The following COL25A1 variants were observed in gnomAD, a reference collection of about 807,000 sequenced individuals.
COL25A1 encodes collagen alpha-1(XXV) chain.
Under a neutral mutation model 128.4 loss-of-function variants are expected in COL25A1, and 103 were observed. The observed-to-expected ratio is 0.80, with a 90% CI of 0.68 to 0.94. The LOEUF is 0.94. COL25A1 is among the 40% of genes least tolerant of loss of function. COL25A1 has a pLI of 0.00. For synonymous variants in COL25A1, 279 were observed against 277.2 expected (o/e 1.01, Z -0.06); for missense variants, 745 against 840.0 (o/e 0.89, Z 1.40).
chr4:108,883,192 A>C (rs1051914154), intron 19 of COL25A1, among the ~76,000 whole-genome samples: 1 of 151,704 alleles, frequency 6.6e-6, no homozygotes, highest in Non-Finnish European at 1.5e-5. Context: ...CACTCAGATA[A>C]TTTTTTTTGT....
At chr4:109,100,271 T>C (rs1020105797) in intron 3 of COL25A1, among the ~76,000 whole-genome samples, 1 of 152,162 alleles carries the variant, frequency 6.6e-6, no homozygotes, top group Non-Finnish European at 1.5e-5. Flanking sequence ...TTAAGTAAAT[T>C]ATCAAAGGAT....
chr4:108,858,656 C>T (rs1736803241), intron 24 of COL25A1, among the ~76,000 whole-genome samples: 1 of 152,120 alleles, frequency 6.6e-6, no homozygotes, highest in Middle Eastern at 3.4e-3. Flanking sequence ...GGGGCATACA[C>T]AGATTATATC....
intron 8 of COL25A1, among the ~76,000 whole-genome samples, chr4:108,961,796 A>G (rs932857752): frequency 7.9e-5 from 12 of 152,196 alleles, no homozygotes; most frequent in African/African-American, 2.9e-4. Flanking sequence ...TTTGGCAAGA[A>G]ATTTCAAGAT....
chr4:109,205,178 G>A (rs1560863925), intron 3 of COL25A1, among the ~76,000 whole-genome samples: 1 of 152,124 alleles, frequency 6.6e-6, no homozygotes, highest in African/African-American at 2.4e-5. Context: ...TATCCAGAAA[G>A]CATGCTGAAT....
At chr4:108,924,885 C>T (rs558137647) in intron 11 of COL25A1, among the ~76,000 whole-genome samples, 13 of 152,284 alleles carry the variant, frequency 8.5e-5, no homozygotes, top group African/African-American at 2.9e-4. Flanking sequence ...TCTCCTGCAT[C>T]CATTCCAAAT....
rs1725646468 is a variant in COL25A1 at position 109,302,399 on chromosome 4, C to G, written c.-287G>C. The G allele has an allele frequency of 9.5e-6, 2 of 210,136 alleles. No homozygotes were observed. Among genetic ancestry groups the G allele is most frequent in the Admixed American group, 1.1e-4 (2 of 17,702 alleles). 13.0% of individuals were successfully genotyped at this position (210,136 alleles called of 1,614,324 possible). A position where few individuals can be genotyped will look rare whatever the true frequency, so the allele number is the denominator to read the frequency against. ...CGAGGGCAACGGCCGAGGCGCCACGCGGGGCCGCGGCTCGCCCTGGCCACG... is the reference window on the plus strand; with the variant it reads ...CGAGGGCAACGGCCGAGGCGCCACGGGGGGCCGCGGCTCGCCCTGGCCACG... On this transcript the variant is annotated 5_prime_UTR_variant, in exon 1 of 38. Coordinates refer to ENST00000399132, the MANE Select transcript of COL25A1 (RefSeq NM_198721.4).
At chr4:109,266,696 T>C (rs1455480163) in intron 3 of COL25A1, among the ~76,000 whole-genome samples, 1 of 151,928 alleles carries the variant, frequency 6.6e-6, no homozygotes, top group Non-Finnish European at 1.5e-5. Context: ...AAGATAAAGA[T>C]TACTCTCAAC....
chr4:109,050,176 G>A lies in COL25A1; in HGVS notation c.371C>T (p.Pro124Leu). Reference sequence around the variant, plus strand: ...GCCTCTCTTACCTCGTTTCCCTGGAGGGCCTGAAATACAAAGGATAATTTT... The same window carrying A: ...GCCTCTCTTACCTCGTTTCCCTGGAAGGCCTGAAATACAAAGGATAATTTT... ...APSECNCPAGPPGKRGKRGRR... is the reference protein window; with the variant it reads ...APSECNCPAGLPGKRGKRGRR... The change falls in exon 4 of 38, where the codon CCT becomes CTT. Residue 124 changes from proline to leucine, a missense_variant. By Grantham distance (98) the Pro-to-Leu change is moderately conservative. Around this residue, in one of 3 missense-constraint regions of COL25A1, gnomAD observed 319 missense variants for 324.9 expected, o/e 0.98. Transcript: ENST00000399132. The A allele has an allele frequency of 6.2e-7, 1 of 1,606,858 alleles. No individual in the cohort carries two copies. Among genetic ancestry groups the A allele is most frequent in the Non-Finnish European group, 8.5e-7 (1 of 1,175,516 alleles).
chr4:108,821,265 C>A (rs543133533), intron 35 of COL25A1, among the ~76,000 whole-genome samples: 5 of 152,082 alleles, frequency 3.3e-5, no homozygotes, highest in African/African-American at 1.2e-4. Context: ...GAATATGGGG[C>A]AAAGAGACAT....
At chr4:109,218,273 G>A (rs528644186) in intron 3 of COL25A1, among the ~76,000 whole-genome samples, 22 of 150,620 alleles carry the variant, frequency 1.5e-4, no homozygotes, top group Non-Finnish European at 2.7e-4. Flanking sequence ...TTGTACATTA[G>A]GAGACATGAC....
intron 15 of COL25A1, among the ~76,000 whole-genome samples, chr4:108,897,202 C>G (rs1245824204): frequency 6.6e-6 from 1 of 152,138 alleles, no homozygotes; most frequent in Admixed American, 6.5e-5. Flanking sequence ...CAGGACAGGG[C>G]CCTCAAAACC....
At position 108,824,215 on chromosome 4, in the gene COL25A1, G is replaced by C. The variant is rs1341174218; in HGVS notation, c.1804C>G (p.Pro602Ala). ...CCTAGATCACCCTTCTCACCCCGTG[G>C]ACCAGGGAAGCCCTGTAAGATAAAA... is the stretch of plus-strand genomic sequence containing the variant. ...GEPGLDGFPG[P>A]RGEKGDLGEK... The change falls in exon 35 of 38, where the codon CCA becomes GCA. Residue 602 changes from proline (P) to alanine (A), a missense_variant. Pro to Ala is a conservative substitution (Grantham distance 27, BLOSUM62 -1). Coordinates refer to ENST00000399132, the MANE Select transcript of COL25A1 (RefSeq NM_198721.4). 1 of 1,612,862 alleles carries C rather than the reference G, an allele frequency of 6.2e-7. No individual in the cohort carries two copies. Among genetic ancestry groups the C allele is most frequent in the Non-Finnish European group, 8.5e-7 (1 of 1,179,404 alleles).
chr4:109,298,029 G>A (rs762161926), intron 3 of COL25A1, among the ~76,000 whole-genome samples: 1 of 151,688 alleles, frequency 6.6e-6, no homozygotes, highest in Non-Finnish European at 1.5e-5. Flanking sequence ...TTGGTAGACT[G>A]GGCTTTTAGT....
At chr4:109,263,585 T>C (rs774439840) in intron 3 of COL25A1, among the ~76,000 whole-genome samples, 12 of 152,188 alleles carry the variant, frequency 7.9e-5, no homozygotes, top group Admixed American at 3.3e-4. Context: ...CTACAATCAA[T>C]TGCCGTGGAA....
intron 3 of COL25A1, among the ~76,000 whole-genome samples, chr4:109,196,022 G>A (rs539982173): frequency 4.2e-4 from 64 of 152,308 alleles, no homozygotes; most frequent in Non-Finnish European, 7.5e-4. Context: ...AGCAACAGAA[G>A]CGAAGAAGGT....
intron 6 of COL25A1, among the ~76,000 whole-genome samples, chr4:108,999,767 C>T (rs995288342): frequency 1.3e-5 from 2 of 152,128 alleles, no homozygotes; most frequent in African/African-American, 4.8e-5. Flanking sequence ...ACATATATAC[C>T]ATGGAATACT....
At chr4:109,232,540 G>T (rs1779227173) in intron 3 of COL25A1, among the ~76,000 whole-genome samples, 1 of 152,114 alleles carries the variant, frequency 6.6e-6, no homozygotes, top group Non-Finnish European at 1.5e-5. Flanking sequence ...TACCAAGAAA[G>T]ACTTGATCAA....
At chr4:109,001,424 G>GATCCTGTCAGGTAGGCATC (rs1561003582) in intron 6 of COL25A1, among the ~76,000 whole-genome samples, 2 of 18,422 alleles carry the variant, frequency 1.1e-4, no homozygotes, top group South Asian at 2.4e-3. Flanking sequence ...CAGGTAGGCA[G>GATCCTGTCAGGTAGGCATC]TGAGCTAGAG....
chr4:109,098,978 T>A (rs1278861728), intron 3 of COL25A1, among the ~76,000 whole-genome samples: 1 of 152,192 alleles, frequency 6.6e-6, no homozygotes, highest in East Asian at 1.9e-4. Context: ...GAAAGCTCAG[T>A]CTCCTTATCT....
Sources: allele counts gnomAD v4.1 joint callset (sites outside exome capture counted in the v4.1 genomes callset), GRCh38; gene constraint gnomAD v4.1.1; regional missense constraint gnomAD v4.1.1; transcripts MANE v1.5; gene names NCBI Gene and HGNC (gene_info 2026-07-23, HGNC 2026-07-21).